PDE4D: variants seen among roughly 807,000 people sequenced by gnomAD.
PDE4D encodes 3',5'-cyclic-AMP phosphodiesterase 4D.
PDE4D carries 24 observed loss-of-function variants against 87.4 expected under a neutral mutation model. That is an observed-to-expected ratio of 0.27 (90% confidence interval 0.20 to 0.39). PDE4D has a LOEUF of 0.39. PDE4D is among the 10% of genes least tolerant of loss of function. The pLI is 1.00. For missense variants in PDE4D, 714 were observed against 1,041.0 expected, an observed-to-expected ratio of 0.69 and a Z score of 4.32; for synonymous variants, 384 against 383.2, an observed-to-expected ratio of 1.00 and a Z score of -0.02.
At chr5:59,561,505 T>C (rs1366386150) in intron 1 of PDE4D, among the ~76,000 whole-genome samples, 2 of 152,228 alleles carry the variant, frequency 1.3e-5, no homozygotes, top group Admixed American at 1.3e-4. Context: ...GTTTTGCTTA[T>C]GGATTTACTT....
intron 5 of PDE4D, among the ~76,000 whole-genome samples, chr5:59,149,693 C>A (rs920459473): frequency 1.4e-5 from 2 of 145,112 alleles, no homozygotes; most frequent in African/African-American, 5.1e-5. Context: ...TGCCTTTCTC[C>A]CTCTCTCCTC....
chr5:60,027,961 G>C (rs991547196), intron 2 of PDE4D, among the ~76,000 whole-genome samples: 1 of 152,162 alleles, frequency 6.6e-6, no homozygotes, highest in African/African-American at 2.4e-5. Flanking sequence ...GAGAATCTCT[G>C]TTCTATATTC....
chr5:60,238,248 A>T (rs553666996), intron 1 of PDE4D, among the ~76,000 whole-genome samples: 1 of 152,070 alleles, frequency 6.6e-6, no homozygotes, highest in Admixed American at 6.6e-5. Flanking sequence ...TATACATTTC[A>T]TCTACTATGC....
At chr5:59,158,795 T>A (rs992563985) in intron 5 of PDE4D, among the ~76,000 whole-genome samples, 19 of 152,316 alleles carry the variant, frequency 1.2e-4, no homozygotes, top group Admixed American at 3.3e-4. Flanking sequence ...ATACCCCTGG[T>A]CTTAAAACCC....
intron 2 of PDE4D, among the ~76,000 whole-genome samples, chr5:60,168,597 T>C (rs903464761): frequency 6.6e-6 from 1 of 152,206 alleles, no homozygotes; most frequent in Non-Finnish European, 1.5e-5. Flanking sequence ...ATACCACGGA[T>C]GCTCATGTCC....
intron 1 of PDE4D, among the ~76,000 whole-genome samples, chr5:59,282,317 A>G (rs919954849): frequency 1.3e-5 from 2 of 152,092 alleles, no homozygotes; most frequent in African/African-American, 4.8e-5. Context: ...CCTAGTTTCT[A>G]ACACTGAGAT....
At chr5:59,212,175 G>C (rs775430640) in intron 2 of PDE4D, among the ~76,000 whole-genome samples, 6 of 152,062 alleles carry the variant, frequency 3.9e-5, no homozygotes, top group Non-Finnish European at 7.4e-5. Flanking sequence ...ACTAGGTAAG[G>C]TGAGAAAATT....
At chr5:59,989,115 TAC>T (rs70975356) in intron 2 of PDE4D, among the ~76,000 whole-genome samples, 6,118 of 73,758 alleles carry the variant, frequency 0.083, 464 homozygotes, top group African/African-American at 0.19. Context: ...TATATATATA[TAC>T]ACACACACAC....
At chr5:60,261,271 T>C (rs753708626) in intron 1 of PDE4D, among the ~76,000 whole-genome samples, 1 of 152,162 alleles carries the variant, frequency 6.6e-6, no homozygotes, top group South Asian at 2.1e-4. Flanking sequence ...CAGGTTATGT[T>C]TGAGAAGAGT....
At chr5:59,881,494 A>G (rs1242746922) in intron 1 of PDE4D, among the ~76,000 whole-genome samples, 1 of 152,110 alleles carries the variant, frequency 6.6e-6, no homozygotes, top group Non-Finnish European at 1.5e-5. Flanking sequence ...TTGTAAACTG[A>G]AGTGTCTTTT....
chr5:60,043,709 T>C lies in PDE4D; in HGVS notation c.43-54992A>G, dbSNP rs1162190715. Among the ~76,000 whole-genome samples, 3 of 152,240 alleles carry C rather than the reference T, an allele frequency of 2.0e-5. No individual in the cohort carries two copies. The East Asian group carries it at 5.8e-4, about 29-fold the overall frequency. On this transcript the variant is annotated intron_variant, in intron 2 of 16. Transcript: ENST00000502484. Reference sequence around the variant, plus strand: ...TATTAAAGAGTTTATTTTATGCTCATTTATTCCTTCTTGAAAGCTCTTCTT... The same window carrying C: ...TATTAAAGAGTTTATTTTATGCTCACTTATTCCTTCTTGAAAGCTCTTCTT...
At chr5:59,762,076 T>C (rs1412232579) in intron 1 of PDE4D, among the ~76,000 whole-genome samples, 3 of 152,000 alleles carry the variant, frequency 2.0e-5, no homozygotes, top group Non-Finnish European at 4.4e-5. Context: ...TGTGTACTGT[T>C]GAGCATTTTA....
At chr5:59,384,536 T>C (rs1562076734) in intron 1 of PDE4D, among the ~76,000 whole-genome samples, 2 of 152,124 alleles carry the variant, frequency 1.3e-5, no homozygotes, top group Non-Finnish European at 2.9e-5. Context: ...GAAACAACAA[T>C]CACTATCATC....
At chr5:59,023,427 T>TTGG (rs1755591914) in intron 6 of PDE4D, among the ~76,000 whole-genome samples, 1 of 151,186 alleles carries the variant, frequency 6.6e-6, no homozygotes, top group African/African-American at 2.4e-5. Context: ...GCCCAGGAGT[T>TTGG]TGAGACCAGC....
rs185967439 is a variant in PDE4D, at chr5:60,447,502, G to A, written c.-90+40440C>T. Among the ~76,000 whole-genome samples the A allele has an allele frequency of 5.9e-5, 9 of 151,512 alleles. No homozygotes were observed. In the East Asian group the frequency reaches 1.8e-3, roughly 30 times the overall value. On this transcript the variant is annotated intron_variant, in intron 1 of 16. Coordinates refer to the PDE4D transcript ENST00000502484. ...TCATCAGAAGACTTTACTCTGTGTT[G>A]AAAGCAACTGAATATAAAGTAGAAA...
At chr5:58,982,687 A>G (rs939554229) in intron 11 of PDE4D, among the ~76,000 whole-genome samples, 9 of 152,148 alleles carry the variant, frequency 5.9e-5, no homozygotes, top group African/African-American at 2.2e-4. Context: ...TGGATTGCGC[A>G]CTTAGCAATA....
At chr5:59,934,417 G>C (rs1028950554) in intron 3 of PDE4D, among the ~76,000 whole-genome samples, 1 of 152,148 alleles carries the variant, frequency 6.6e-6, no homozygotes, top group African/African-American at 2.4e-5. Flanking sequence ...ACATGTCTAA[G>C]GGCTGTGGTT....
chr5:59,304,200 C>A (rs1309841402), intron 1 of PDE4D, among the ~76,000 whole-genome samples: 2 of 151,916 alleles, frequency 1.3e-5, no homozygotes, highest in African/African-American at 2.4e-5. Context: ...TCCCCTTGGT[C>A]ACTGTTGGTA....
intron 2 of PDE4D, among the ~76,000 whole-genome samples, chr5:60,060,679 C>T (rs1312364798): frequency 6.6e-6 from 1 of 152,030 alleles, no homozygotes; most frequent in African/African-American, 2.4e-5. Context: ...CTTGCAGCCA[C>T]CTGGGACCTG....
Sources: allele counts gnomAD v4.1 joint callset (sites outside exome capture counted in the v4.1 genomes callset), GRCh38; gene constraint gnomAD v4.1.1; transcripts MANE v1.5; gene names NCBI Gene and HGNC (gene_info 2026-07-23, HGNC 2026-07-21).